The following EFNB2 variants were observed in gnomAD, a reference collection of about 807,000 sequenced individuals.
EFNB2 encodes ephrin B2, also known as ephrin-B2.
EFNB2 carries 5 observed loss-of-function variants against 32.1 expected under a neutral mutation model. The ratio of observed to expected loss-of-function variants is 0.16; its 90% CI spans 0.08 to 0.33. The LOEUF is 0.33. Among genes scored for constraint, EFNB2 ranks in the 10% least tolerant of loss-of-function variants. The pLI is 1.00. For synonymous variants in EFNB2, 168 were observed against 166.5 expected (o/e 1.01, Z -0.07); for missense variants, 263 against 422.6 (o/e 0.62, Z 3.31).
chr13:106,515,042 AT>A (rs202016092), intron 1 of EFNB2, among the ~76,000 whole-genome samples: 20 of 150,028 alleles, frequency 1.3e-4, no homozygotes, highest in Middle Eastern at 3.4e-3. Flanking sequence ...CTTCATGAGG[AT>A]TTTTTTTTTC....
In EFNB2 at chr13:106,492,865, T is replaced by A; in HGVS notation, c.*175A>T. On this transcript the variant is annotated 3_prime_UTR_variant, in exon 5 of 5. Coordinates refer to ENST00000646441, the MANE Select transcript of EFNB2 (RefSeq NM_004093.4). The surrounding 1 kb of genome is among the most constrained non-coding windows in gnomAD (Gnocchi z 5.1). ...AGCGTGTGTGTTCACCAAGGCCGAA[T>A]GCTACAAGACTAGGTAAGCTGTCCA... is the stretch of plus-strand genomic sequence containing the variant. The A allele has an allele frequency of 1.3e-6, 1 of 798,692 alleles. No homozygotes were observed. The highest frequency in any genetic ancestry group is 1.9e-6 in the Non-Finnish European group (1 of 523,328). 49.5% of individuals were successfully genotyped at this position (798,692 alleles called of 1,614,324 possible).
At chr13:106,506,888 G>A (rs1471641054) in intron 2 of EFNB2, among the ~76,000 whole-genome samples, 1 of 152,176 alleles carries the variant, frequency 6.6e-6, no homozygotes, top group African/African-American at 2.4e-5. Context: ...TAAGTTACTT[G>A]TCAAAGGGCA....
chr13:106,502,876 CGTGTCTACATGTGTGT>C (rs1003064811), intron 2 of EFNB2, among the ~76,000 whole-genome samples: 3 of 151,942 alleles, frequency 2.0e-5, no homozygotes, highest in Admixed American at 1.3e-4. Context: ...CACATGTGTG[CGTGTCTACATGTGTGT>C]GCGTGCAAGC....
At chr13:106,528,911 C>G (rs1879787354) in intron 1 of EFNB2, among the ~76,000 whole-genome samples, 1 of 152,206 alleles carries the variant, frequency 6.6e-6, no homozygotes, top group Admixed American at 6.5e-5. Context: ...CCACCTCTAA[C>G]AGCCTGCCCC....
In EFNB2 at chr13:106,492,859, G is replaced by A. The variant is rs551530122; in HGVS notation, c.*181C>T. ...CCAGGGAGCGTGTGTGTTCACCAAGGCCGAATGCTACAAGACTAGGTAAGC... is the reference window on the plus strand; with the variant it reads ...CCAGGGAGCGTGTGTGTTCACCAAGACCGAATGCTACAAGACTAGGTAAGC... On this transcript the variant is annotated 3_prime_UTR_variant, in exon 5 of 5. Coordinates refer to ENST00000646441, the MANE Select transcript of EFNB2 (RefSeq NM_004093.4). The surrounding 1 kb of genome is among the most constrained non-coding windows in gnomAD (Gnocchi z 5.1). The A allele has an allele frequency of 4.5e-4, 346 of 763,200 alleles. No individual in the cohort carries two copies. The highest frequency in any genetic ancestry group is 6.0e-4 in the Non-Finnish European group (296 of 492,164). The allele number at this position is 763,200 out of a possible 1,614,324, so 47.3% of individuals were successfully genotyped here. A position where few individuals can be genotyped will look rare whatever the true frequency, so the allele number is the denominator to read the frequency against.
At chr13:106,509,519 A>G (rs963939058) in intron 2 of EFNB2, among the ~76,000 whole-genome samples, 9 of 152,164 alleles carry the variant, frequency 5.9e-5, no homozygotes, top group Non-Finnish European at 1.3e-4. Flanking sequence ...ATACATGTAA[A>G]TTTTAATACT....
At chr13:106,497,672 T>A (rs995592543) in intron 2 of EFNB2, among the ~76,000 whole-genome samples, 24 of 152,270 alleles carry the variant, frequency 1.6e-4, no homozygotes, top group African/African-American at 5.5e-4. Flanking sequence ...GTATATCTCC[T>A]AATGCTATCC....
chr13:106,514,296 T>C (rs776005429), intron 1 of EFNB2, among the ~76,000 whole-genome samples: 2 of 152,234 alleles, frequency 1.3e-5, no homozygotes, highest in African/African-American at 4.8e-5. Context: ...GTGTGTACTG[T>C]TGAAGAATTC....
intron 2 of EFNB2, among the ~76,000 whole-genome samples, 169 bp from the exon 3 acceptor site, chr13:106,496,009 G>A (rs549755426): frequency 6.6e-6 from 1 of 152,234 alleles, no homozygotes; most frequent in East Asian, 1.9e-4. Flanking sequence ...AAAAGAAAAA[G>A]AAAAAGAAAT....
chr13:106,535,087 C>G lies in EFNB2; in HGVS notation c.-123G>C, dbSNP rs1197563618. 7.2e-7 allele frequency: 1 copy of G among 1,384,850 alleles called. No individual in the cohort carries two copies. Among genetic ancestry groups the G allele is most frequent in the Non-Finnish European group, 9.6e-7 (1 of 1,039,314 alleles). 85.8% of individuals were successfully genotyped at this position (1,384,850 alleles called of 1,614,324 possible). The stretch of plus-strand genomic sequence containing the variant: ...GACGGCGTGCGCCCGCAGGCAGCTC[C>G]GAGGCGCGCTGCGCAGCTCCAGCGG... On this transcript the variant is annotated 5_prime_UTR_variant, in exon 1 of 5. Transcript: ENST00000646441.
At chr13:106,519,978 A>G (rs1879444890) in intron 1 of EFNB2, 1 of 152,222 alleles carries the variant, frequency 6.6e-6, no homozygotes, top group South Asian at 2.1e-4. Flanking sequence ...TATTTAATAC[A>G]TAAATCTCTG....
Position 106,535,620 on chromosome 13 carries a change from C to T in EFNB2, c.-656G>A, listed in dbSNP as rs1418481180. 2 of 150,604 alleles carry T rather than the reference C, an allele frequency of 1.3e-5. No homozygotes were observed. Among genetic ancestry groups the T allele is most frequent in the African/African-American group, 2.4e-5 (1 of 41,178 alleles). 9.3% of individuals were successfully genotyped at this position (150,604 alleles called of 1,614,324 possible). On this transcript the variant is annotated 5_prime_UTR_variant, in exon 1 of 5. Coordinates refer to ENST00000646441, the MANE Select transcript of EFNB2 (RefSeq NM_004093.4). ...CCGGGACCCGCTGCGTGCGCAGCTC[C>T]TCGCTCCGGCCGGCGCCGCGGTCCC...
intron 1 of EFNB2, among the ~76,000 whole-genome samples, chr13:106,514,225 C>A: frequency 6.6e-6 from 1 of 152,202 alleles, no homozygotes; most frequent in East Asian, 1.9e-4. Flanking sequence ...TTCAAAAAAA[C>A]TTTCTGTGAA....
intron 2 of EFNB2, among the ~76,000 whole-genome samples, chr13:106,501,296 C>G (rs1436835406): frequency 6.6e-6 from 1 of 151,568 alleles, no homozygotes; most frequent in Non-Finnish European, 1.5e-5. Context: ...ACAGAAACAT[C>G]TATTTAATTT....
intron 1 of EFNB2, among the ~76,000 whole-genome samples, chr13:106,527,822 T>C (rs147911419): frequency 1.6e-3 from 244 of 152,364 alleles, no homozygotes; most frequent in Admixed American, 6.6e-3. Context: ...TGGATGAAGG[T>C]TAGTAAACAA....
chr13:106,519,337 G>A (rs542554290), intron 1 of EFNB2: 2 of 152,176 alleles, frequency 1.3e-5, no homozygotes, highest in African/African-American at 4.8e-5. Flanking sequence ...CAGTTATCAT[G>A]CACTTGAGAA....
intron 2 of EFNB2, among the ~76,000 whole-genome samples, chr13:106,505,728 G>C (rs2391332): frequency 0.035 from 5,281 of 152,108 alleles, 308 homozygotes; most frequent in African/African-American, 0.12. Flanking sequence ...CTTGTACTAG[G>C]TCTCTAGCAT....
chr13:106,512,391 A>AGG (rs776875858), intron 2 of EFNB2, 138 bp downstream of exon 2: 82 of 374,440 alleles, frequency 2.2e-4, no homozygotes, highest in South Asian at 2.9e-4. Flanking sequence ...GAAAAAAAAA[A>AGG]AGGGGGGGGG....
At chr13:106,495,487 C>A in intron 3 of EFNB2, among the ~76,000 whole-genome samples, 1 of 141,930 alleles carries the variant, frequency 7.0e-6, no homozygotes, top group Non-Finnish European at 1.5e-5. Context: ...ATCTATCTAT[C>A]TATCTATCTA....
Sources: gnomAD v4.1 joint callset for allele counts (sites outside exome capture counted in the v4.1 genomes callset) on GRCh38, gnomAD v4.1.1 for gene constraint, Gnocchi (gnomAD v3.1) non-coding constraint, MANE v1.5 for transcripts, NCBI Gene and HGNC (gene_info 2026-07-23, HGNC 2026-07-21) for gene names.